The following USP44 variants were observed in gnomAD, a reference collection of about 807,000 sequenced individuals.
USP44 encodes ubiquitin specific peptidase 44, also known as ubiquitin carboxyl-terminal hydrolase 44.
Under a neutral mutation model 69.0 loss-of-function variants are expected in USP44, and 61 were observed. That is an observed-to-expected ratio of 0.88 (90% CI 0.72 to 1.09). The LOEUF (loss-of-function observed/expected upper bound fraction) is 1.09. Ranked by LOEUF, USP44 falls within the 50% of genes least tolerant of loss-of-function variation. USP44 has a pLI of 0.00. For synonymous variants in USP44, 297 were observed against 295.4 expected, an observed-to-expected ratio of 1.01 and a Z score of -0.06; for missense variants, 753 against 849.9, an observed-to-expected ratio of 0.89 and a Z score of 1.42.
chr12:95,525,141 G>A (rs1393147046), intron 3 of USP44, among the ~76,000 whole-genome samples: 3 of 152,210 alleles, frequency 2.0e-5, no homozygotes, highest in Non-Finnish European at 2.9e-5. Flanking sequence ...GCACAATCTC[G>A]GCTCACCACA....
At chr12:95,522,181 G>T in intron 4 of USP44, 1 of 880,760 alleles carries the variant, frequency 1.1e-6, no homozygotes, top group Non-Finnish European at 1.4e-6. Context: ...GGGGTAGTAT[G>T]GTAGAGAGAC....
chr12:95,547,815 A>T (rs898701084), intron 1 of USP44, among the ~76,000 whole-genome samples: 1 of 152,188 alleles, frequency 6.6e-6, no homozygotes, highest in African/African-American at 2.4e-5. Context: ...GGACTTGAGG[A>T]CTGGTCTGAG....
At chr12:95,540,498 A>G (rs55908860) in intron 1 of USP44, among the ~76,000 whole-genome samples, 4,255 of 152,000 alleles carry the variant, frequency 0.028, 193 homozygotes, top group African/African-American at 0.095. Context: ...ACATGCCACC[A>G]CGCAAGGCGA....
chr12:95,533,601 A>G lies in USP44; in HGVS notation c.656T>C (p.Leu219Pro). 1 of 1,613,828 alleles carries G rather than the reference A, an allele frequency of 6.2e-7. No individual in the cohort carries two copies. Among genetic ancestry groups the G allele is most frequent in the South Asian group, 1.1e-5 (1 of 91,056 alleles). ...TATTTCTATTATGGTCGACTGAGCG[A>G]GCCCTTGTAAACGTAAACTCTTTCT... ...PPRKSLRLQG[L>P]AQSTIIEIVS... The change falls in exon 2 of 6, where the codon CTC becomes CCC. Residue 219 changes from leucine (L) to proline (P), a missense_variant. Leu to Pro is a moderately conservative substitution (Grantham distance 98). Transcript: ENST00000258499.
chr12:95,521,063 C>A lies in USP44; in HGVS notation c.1873G>T (p.Val625Leu), dbSNP rs764173067. The A allele has an allele frequency of 7.4e-6, 12 of 1,614,208 alleles. 1 individual carries two copies. The highest frequency in any genetic ancestry group is 6.7e-5 in the East Asian group (3 of 44,878). ...CCAAATCCTTTCCCATGGTGCATCA[C>A]CACCGCGGACAAGTCATAGATAAAG... ...ECFIYDLSAV[V>L]MHHGKGFGSG... is the part of the protein sequence containing the mutation. The change falls in exon 5 of 6, where the codon GTG (valine) becomes TTG (leucine). Residue 625 changes from valine (V) to leucine (L), a missense_variant. Coordinates refer to ENST00000258499, the MANE Select transcript of USP44 (RefSeq NM_032147.5).
intron 1 of USP44, among the ~76,000 whole-genome samples, chr12:95,537,739 A>AG (rs2077253305): frequency 6.6e-6 from 1 of 152,232 alleles, no homozygotes; most frequent in African/African-American, 2.4e-5. Context: ...AAGGATCAGT[A>AG]GGAAAAAGCC....
At chr12:95,524,622 G>C in intron 4 of USP44, 58 bp downstream of exon 4, 1 of 1,329,330 alleles carries the variant, frequency 7.5e-7, no homozygotes, top group Non-Finnish European at 1.0e-6. Context: ...CATTCTTTAA[G>C]TTTTGAAGCA....
rs1020706808 is a variant in USP44, at chr12:95,524,395, G to A, written c.1733+285C>T. On this transcript the variant is annotated intron_variant, in intron 4 of 5. Coordinates refer to ENST00000258499, the MANE Select transcript of USP44 (RefSeq NM_032147.5). The stretch of plus-strand genomic sequence containing the variant: ...CCTTGCCCGGCCAGCACTTTGGGAG[G>A]CCCATGTGGGTGGATCGCTTGAGCC... 7 of 180,924 alleles carry A rather than the reference G, an allele frequency of 3.9e-5. No individual in the cohort carries two copies. In the Admixed American group the frequency reaches 4.4e-4, roughly 11 times the overall value. 11.2% of individuals were successfully genotyped at this position (180,924 alleles called of 1,614,324 possible).
chr12:95,533,359 AT>A lies in USP44; in HGVS notation c.897del (p.Gln299HisfsTer4). On this transcript the variant is annotated frameshift_variant, in exon 2 of 6. Transcript: ENST00000258499. LOFTEE classifies it high-confidence loss of function. Reference protein sequence around the residue: ...QVLSHLLIFRQCFLKLDLNQW... With the variant: ...QVLSHLLIFRXCFLKLDLNQW... The stretch of plus-strand genomic sequence containing the variant: ...TGGTTCAGATCAAGCTTTAAAAAAC[AT>A]TGTCGAAAAATAAGTAAATGACTCA... 1 of 1,613,404 alleles carries A rather than the reference AT, an allele frequency of 6.2e-7. No homozygotes were observed. The highest frequency in any genetic ancestry group is 8.5e-7 in the Non-Finnish European group (1 of 1,179,640).
chr12:95,524,684 A>G lies in USP44; in HGVS notation c.1729T>C (p.Phe577Leu). ...PQVLRLHLKRFRWSGRNNREK... is the reference protein window; with the variant it reads ...PQVLRLHLKRLRWSGRNNREK... ...GCAACTGGTCCTACTACAGACCTGA[A>G]TCGTTTGAGGTGCAGTCTGAGAACC... Residue 577 changes from phenylalanine (F) to leucine (L), a missense_variant, in exon 4 of 6, where the codon TTC becomes CTC. Phe to Leu is a conservative substitution (Grantham distance 22). Coordinates refer to ENST00000258499, the MANE Select transcript of USP44 (RefSeq NM_032147.5). 4.4e-6 allele frequency: 7 copies of G among 1,607,042 alleles called. No individual in the cohort carries two copies. Among genetic ancestry groups the G allele is most frequent in the Middle Eastern group, 3.3e-4 (2 of 6,026 alleles).
intron 4 of USP44, among the ~76,000 whole-genome samples, chr12:95,523,377 T>C (rs1592674513): frequency 6.6e-6 from 1 of 152,166 alleles, no homozygotes; most frequent in African/African-American, 2.4e-5. Flanking sequence ...TGGGATCTGA[T>C]GCTACCTCCA....
rs1443502323 is a variant in USP44, at chr12:95,528,950, T to C, written c.1481A>G (p.Asp494Gly). The C allele has an allele frequency of 6.2e-7, 1 of 1,613,974 alleles. No individual in the cohort carries two copies. The highest frequency in any genetic ancestry group is 1.1e-5 in the South Asian group (1 of 91,068). Residue 494 changes from aspartate (D) to glycine (G), a missense_variant, in exon 3 of 6, where the codon GAC becomes GGC. Transcript: ENST00000258499. ...CCTTTCTGGAAACTCCAATGACAAG[T>C]CCCAGAAAGGTTCTATGGTATTTGA... The part of the protein sequence containing the change: ...NKSNTIEPFW[D>G]LSLEFPERYQ...
chr12:95,540,047 C>T (rs529658842), intron 1 of USP44, among the ~76,000 whole-genome samples: 9 of 152,196 alleles, frequency 5.9e-5, no homozygotes, highest in African/African-American at 1.7e-4. Context: ...TAGTGTAATA[C>T]CTTCCTGTTG....
At chr12:95,543,580 C>T (rs939007298) in intron 1 of USP44, among the ~76,000 whole-genome samples, 6 of 151,920 alleles carry the variant, frequency 3.9e-5, no homozygotes, top group African/African-American at 1.5e-4. Flanking sequence ...AAAATCCACG[C>T]GTGGCAGTGC....
chr12:95,538,956 AT>A (rs1661171969), intron 1 of USP44, among the ~76,000 whole-genome samples: 1 of 152,214 alleles, frequency 6.6e-6, no homozygotes, highest in Admixed American at 6.5e-5. Flanking sequence ...TGGATGTATG[AT>A]TTTTGGCAGT....
chr12:95,542,985 G>A (rs2077439895), intron 1 of USP44, among the ~76,000 whole-genome samples: 1 of 151,816 alleles, frequency 6.6e-6, no homozygotes, highest in South Asian at 2.1e-4. Context: ...CTACTCAGGA[G>A]GCTGAGGCAG....
chr12:95,544,150 G>A, intron 1 of USP44, among the ~76,000 whole-genome samples: 1 of 142,258 alleles, frequency 7.0e-6, no homozygotes, highest in East Asian at 2.2e-4. Flanking sequence ...CACCTCCCGA[G>A]TTCACGCCAT....
chr12:95,544,734 TAAAG>T (rs1036955379), intron 1 of USP44, among the ~76,000 whole-genome samples: 4 of 151,726 alleles, frequency 2.6e-5, no homozygotes, highest in Non-Finnish European at 4.4e-5. Context: ...TGTGGAAAAA[TAAAG>T]AAAAAAAGAA....
At chr12:95,529,492 C>T (rs906377294) in intron 2 of USP44, among the ~76,000 whole-genome samples, 13 of 151,792 alleles carry the variant, frequency 8.6e-5, no homozygotes, top group Admixed American at 3.3e-4. Flanking sequence ...GGCGCAATCT[C>T]GGCTCACTGC....
Sources: gnomAD v4.1 joint callset for allele counts (sites outside exome capture counted in the v4.1 genomes callset) on GRCh38, gnomAD v4.1.1 for gene constraint, MANE v1.5 for transcripts, NCBI Gene and HGNC (gene_info 2026-07-23, HGNC 2026-07-21) for gene names.